The following PACRG variants were observed in gnomAD, a reference collection of about 807,000 sequenced individuals.
PACRG encodes the protein parkin coregulated, also known as parkin coregulated gene protein.
A neutral mutation model predicts 29.7 loss-of-function variants in PACRG; 29 were observed. That is an observed-to-expected ratio of 0.98 (90% CI 0.73 to 1.33). PACRG has a LOEUF of 1.33. PACRG is among the 40% of genes most tolerant of loss of function. The pLI is 0.00. For synonymous variants in PACRG, 116 were observed against 118.7 expected, an observed-to-expected ratio of 0.98 and a Z score of 0.15; for missense variants, 279 against 316.2, an observed-to-expected ratio of 0.88 and a Z score of 0.89.
At chr6:162,978,712 C>A (rs1802163731) in intron 2 of PACRG, among the ~76,000 whole-genome samples, 1 of 152,046 alleles carries the variant, frequency 6.6e-6, no homozygotes, top group African/African-American at 2.4e-5. Context: ...AAATGACATT[C>A]TCCAGAGTTG....
chr6:163,226,999 G>A (rs535722300), intron 4 of PACRG, among the ~76,000 whole-genome samples: 7 of 152,136 alleles, frequency 4.6e-5, no homozygotes, highest in South Asian at 4.2e-4. Flanking sequence ...ATGATGGTAC[G>A]TTAAAAAAAA....
In PACRG at chr6:163,142,499, G is replaced by T. The variant is rs1777586739; in HGVS notation, c.613+53091G>T. On this transcript the variant is annotated intron_variant, in intron 4 of 4. Coordinates refer to ENST00000366888, the MANE Select transcript of PACRG (RefSeq NM_001080379.2). Reference sequence around the variant, plus strand: ...TCAAAAGCTTCCCCACCAAAAAGAAGTCACATACCCAGTTCATTTTACAAT... The same window carrying T: ...TCAAAAGCTTCCCCACCAAAAAGAATTCACATACCCAGTTCATTTTACAAT... 2.6e-5 allele frequency among the ~76,000 whole-genome samples: 4 copies of T among 152,026 alleles called. No homozygotes were observed. In the South Asian group the frequency reaches 6.2e-4, roughly 24 times the overall value.
intron 1 of PACRG, among the ~76,000 whole-genome samples, chr6:162,771,677 T>A (rs890945141): frequency 1.3e-5 from 2 of 152,186 alleles, no homozygotes; most frequent in Non-Finnish European, 1.5e-5. Context: ...TGATGAATAT[T>A]CATAGCTGTT....
chr6:162,839,739 A>G (rs1188038045), intron 2 of PACRG, among the ~76,000 whole-genome samples: 4 of 152,192 alleles, frequency 2.6e-5, no homozygotes, highest in Admixed American at 1.3e-4. Context: ...CTAGCATTTA[A>G]GTCTTTAATC....
At chr6:163,247,637 C>T (rs565967089) in intron 4 of PACRG, among the ~76,000 whole-genome samples, 27 of 152,204 alleles carry the variant, frequency 1.8e-4, no homozygotes, top group Non-Finnish European at 3.7e-4. Context: ...AAAAAGCACT[C>T]CTGGAAAGTC....
intron 2 of PACRG, among the ~76,000 whole-genome samples, chr6:162,872,752 T>C (rs1034160070): frequency 1.3e-5 from 2 of 152,290 alleles, no homozygotes; most frequent in East Asian, 1.9e-4. Flanking sequence ...AGCAACTACC[T>C]TGGTTCCCAC....
intron 2 of PACRG, among the ~76,000 whole-genome samples, chr6:162,825,124 G>A (rs1049954484): frequency 1.3e-5 from 2 of 151,838 alleles, no homozygotes; most frequent in African/African-American, 2.4e-5. Flanking sequence ...TGACCTTTAG[G>A]TAGTCAATCC....
intron 3 of PACRG, among the ~76,000 whole-genome samples, chr6:163,071,881 TAAAG>T (rs141185429): frequency 0.018 from 2,764 of 151,860 alleles, 80 homozygotes; most frequent in African/African-American, 0.064. Flanking sequence ...GGTTGAATCA[TAAAG>T]AAATCCAAAA....
At chr6:163,271,580 G>C (rs561305839) in intron 4 of PACRG, among the ~76,000 whole-genome samples, 3 of 152,208 alleles carry the variant, frequency 2.0e-5, no homozygotes, top group African/African-American at 7.2e-5. Context: ...CATAACATCA[G>C]GTGCCCCAAC....
chr6:163,092,675 C>T (rs1814218177), intron 4 of PACRG, among the ~76,000 whole-genome samples: 1 of 152,086 alleles, frequency 6.6e-6, no homozygotes, highest in Admixed American at 6.5e-5. Flanking sequence ...AGATATGCAT[C>T]GTAACAACTT....
chr6:163,193,991 C>T (rs988368689), intron 4 of PACRG, among the ~76,000 whole-genome samples: 4 of 150,800 alleles, frequency 2.7e-5, no homozygotes, highest in Non-Finnish European at 5.9e-5. Flanking sequence ...CTCCTGGGTT[C>T]AAGCGATTCT....
chr6:163,199,120 T>C (rs1322489522), intron 4 of PACRG, among the ~76,000 whole-genome samples: 2 of 152,192 alleles, frequency 1.3e-5, no homozygotes, highest in African/African-American at 4.8e-5. Context: ...ACTTTTCCCT[T>C]GAGCTTAGTG....
intron 2 of PACRG, among the ~76,000 whole-genome samples, chr6:163,001,374 A>G (rs1804574603): frequency 6.6e-6 from 1 of 152,190 alleles, no homozygotes; most frequent in Non-Finnish European, 1.5e-5. Flanking sequence ...CACAACTTTC[A>G]TATTTATGTA....
At chr6:163,047,664 A>G (rs1488649352) in intron 2 of PACRG, among the ~76,000 whole-genome samples, 1 of 152,196 alleles carries the variant, frequency 6.6e-6, no homozygotes, top group Non-Finnish European at 1.5e-5. Flanking sequence ...TTGATTCTCC[A>G]TTCTCAAATC....
chr6:163,177,737 T>TTTTTTTGG (rs1779447560), intron 4 of PACRG, among the ~76,000 whole-genome samples: 1 of 141,814 alleles, frequency 7.1e-6, no homozygotes, highest in African/African-American at 2.7e-5. Flanking sequence ...TTTTTTTTTT[T>TTTTTTTGG]GCGGGTGGGA....
At chr6:162,933,601 C>CTTTTTTTTTTTTTTT (rs71008119) in intron 2 of PACRG, among the ~76,000 whole-genome samples, 1 of 74,608 alleles carries the variant, frequency 1.3e-5, no homozygotes, top group Non-Finnish European at 2.4e-5. Context: ...CTTTCTGTAT[C>CTTTTTTTTTTTTTTT]TTTTTTTTTT....
At chr6:162,933,917 A>G (rs1441591171) in intron 2 of PACRG, among the ~76,000 whole-genome samples, 1 of 152,148 alleles carries the variant, frequency 6.6e-6, no homozygotes, top group Non-Finnish European at 1.5e-5. Flanking sequence ...AGAGAGAGGG[A>G]AGGGAGGTGC....
intron 4 of PACRG, among the ~76,000 whole-genome samples, chr6:163,144,347 TAC>T (rs34737289): frequency 0.29 from 27,491 of 93,644 alleles, 3,232 homozygotes; most frequent in African/African-American, 0.4. Context: ...CACACATACA[TAC>T]ACACACACAC....
intron 4 of PACRG, among the ~76,000 whole-genome samples, chr6:163,096,683 GAGA>G (rs1455230831): frequency 6.6e-6 from 1 of 152,168 alleles, no homozygotes; most frequent in East Asian, 1.9e-4. Flanking sequence ...TCTACTTGGA[GAGA>G]AGGAGGGGAA....
Sources: gnomAD v4.1 joint callset for allele counts (sites outside exome capture counted in the v4.1 genomes callset) on GRCh38, gnomAD v4.1.1 for gene constraint, MANE v1.5 for transcripts, NCBI Gene and HGNC (gene_info 2026-07-23, HGNC 2026-07-21) for gene names.